The following TRMT2B variants were observed in gnomAD, a reference collection of about 807,000 sequenced individuals.
TRMT2B encodes the protein tRNA (uracil-5-)-methyltransferase homolog B.
Under a neutral mutation model 39.7 loss-of-function variants are expected in TRMT2B, and 34 were observed. That is an observed-to-expected ratio of 0.86 (90% CI 0.65 to 1.14). The LOEUF is 1.14. Ranked by LOEUF, TRMT2B falls within the 50% of genes most tolerant of loss-of-function variation. The pLI, the probability that TRMT2B is intolerant of heterozygous loss-of-function variation, is 0.00. For synonymous variants in TRMT2B, 132 were observed against 137.3 expected (o/e 0.96, Z 0.27); for missense variants, 318 against 377.2 (o/e 0.84, Z 1.30).
intron 2 of TRMT2B, among the ~76,000 whole-genome samples, chrX:101,046,085 G>A (rs1160518549): frequency 1.2e-4 from 12 of 99,397 alleles, no homozygotes; most frequent in Non-Finnish European, 2.4e-4. Context: ...GGTGGAGGTT[G>A]CAATGAGCTG....
At position 101,042,201 on chromosome X, in the gene TRMT2B, G is replaced by T. The variant is rs1424994420; in HGVS notation, c.89C>A (p.Pro30His). The T allele has an allele frequency of 8.3e-7, 1 of 1,212,101 alleles. No homozygotes were observed. The highest frequency in any genetic ancestry group is 2.2e-5 in the Admixed American group (1 of 46,028). Residue 30 changes from proline (P) to histidine (H), a missense_variant, in exon 3 of 14, where the codon CCC becomes CAC. Pro to His is a moderately conservative substitution (Grantham distance 77). Transcript: ENST00000372936. ...VGLFSKPGLL[P>H]WYARNPPGWS... is the part of the protein sequence containing the mutation. ...TCCTGGTGGATTTCTGGCATACCAG[G>T]GAAGCAGTCCTGGTTTGGAGAAGAG...
At chrX:100,999,670 T>C in the TRMT2B span, among the ~76,000 whole-genome samples, 7 of 112,352 alleles carry the variant, frequency 6.2e-5, no homozygotes, top group Non-Finnish European at 1.3e-4. Flanking sequence ...CTGGACATGG[T>C]CTGCACTTGG....
the TRMT2B span, among the ~76,000 whole-genome samples, chrX:100,978,692 AAT>A: frequency 9.1e-6 from 1 of 109,504 alleles, no homozygotes; most frequent in Non-Finnish European, 1.9e-5. Flanking sequence ...ATTTATATTC[AAT>A]GTTATTATTA....
chrX:100,985,863 C>T, the TRMT2B span: 6 of 1,210,249 alleles, frequency 5.0e-6, no homozygotes, highest in East Asian at 1.5e-4. Context: ...AAGTGAAGAT[C>T]ATCTTAACAC....
intron 2 of TRMT2B, among the ~76,000 whole-genome samples, chrX:101,049,783 CAAAA>C (rs60650761): frequency 1.2e-5 from 1 of 82,963 alleles, no homozygotes. Flanking sequence ...GACTCCTTCT[CAAAA>C]AAAAAAAAAA....
the TRMT2B span, among the ~76,000 whole-genome samples, chrX:100,983,300 A>AT: frequency 9.0e-6 from 1 of 111,481 alleles, no homozygotes; most frequent in Admixed American, 9.5e-5. Flanking sequence ...GGCAAAAAAA[A>AT]TATATAAAGC....
the TRMT2B span, chrX:100,990,311 C>A: frequency 1.1e-6 from 1 of 883,474 alleles, no homozygotes; most frequent in Non-Finnish European, 1.4e-6. Flanking sequence ...AATAACTGAC[C>A]TTTTTCTCTT....
intron 7 of TRMT2B, among the ~76,000 whole-genome samples, chrX:101,028,387 G>A (rs1394172390): frequency 9.0e-6 from 1 of 110,751 alleles, no homozygotes; most frequent in Admixed American, 9.7e-5. Flanking sequence ...CCAAAGTGCT[G>A]GAATTACAGG....
At chrX:100,977,055 A>G in the TRMT2B span, among the ~76,000 whole-genome samples, 2 of 112,350 alleles carry the variant, frequency 1.8e-5, no homozygotes, top group Non-Finnish European at 1.9e-5. Flanking sequence ...TTTTATGGGT[A>G]CATTGTAGGT....
chrX:101,034,517 G>A (rs889437013), intron 7 of TRMT2B, among the ~76,000 whole-genome samples: 1 of 111,621 alleles, frequency 9.0e-6, no homozygotes, highest in Non-Finnish European at 1.9e-5. Context: ...AGAGGGGTCA[G>A]AGGTGAAAGC....
the TRMT2B span, chrX:100,987,470 C>G: frequency 8.3e-7 from 1 of 1,211,301 alleles, no homozygotes; most frequent in Admixed American, 2.2e-5. Flanking sequence ...TATTAGCTGT[C>G]ATTGATACTT....
At chrX:100,997,332 C>T in the TRMT2B span, among the ~76,000 whole-genome samples, 4 of 112,087 alleles carry the variant, frequency 3.6e-5, no homozygotes, top group Admixed American at 2.9e-4. Context: ...ATACCCTTCA[C>T]CTAGCTTCCC....
the TRMT2B span, among the ~76,000 whole-genome samples, chrX:100,993,415 TA>T: frequency 8.9e-6 from 1 of 112,016 alleles, no homozygotes; most frequent in Non-Finnish European, 1.9e-5. Flanking sequence ...CTCTCCTGAA[TA>T]AGAGTTTTAT....
chrX:101,011,553 AC>A (rs2086252712), intron 13 of TRMT2B, among the ~76,000 whole-genome samples: 1 of 110,971 alleles, frequency 9.0e-6, no homozygotes, highest in Non-Finnish European at 1.9e-5. Flanking sequence ...TTCAATACCA[AC>A]CTGGGCAGCA....
intron 2 of TRMT2B, among the ~76,000 whole-genome samples, chrX:101,044,839 CAAAAAAAAAAAA>C (rs753968399): frequency 3.2e-5 from 1 of 31,040 alleles, no homozygotes; most frequent in Admixed American, 5.0e-4. Context: ...AACTCGGTCT[CAAAAAAAAAAAA>C]AAAAAAAAAA....
chrX:101,025,051 T>C (rs1262348989), intron 7 of TRMT2B, among the ~76,000 whole-genome samples: 1 of 110,889 alleles, frequency 9.0e-6, no homozygotes, highest in African/African-American at 3.3e-5. Flanking sequence ...ATCAATTATA[T>C]CTTGAACTGT....
chrX:101,040,407 CA>C (rs987293827), intron 4 of TRMT2B, among the ~76,000 whole-genome samples: 2 of 110,678 alleles, frequency 1.8e-5, no homozygotes, highest in African/African-American at 6.6e-5. Flanking sequence ...TGGCTCATAA[CA>C]AACACACTGG....
At chrX:101,001,534 C>A in the TRMT2B span, among the ~76,000 whole-genome samples, 82 of 110,462 alleles carry the variant, frequency 7.4e-4, no homozygotes, top group African/African-American at 2.6e-3. Context: ...CTGCACCCAG[C>A]CCGGATCTTG....
the TRMT2B span, among the ~76,000 whole-genome samples, chrX:100,996,754 G>A: frequency 9.2e-6 from 1 of 109,249 alleles, no homozygotes; most frequent in Non-Finnish European, 1.9e-5. Context: ...CTCTACTAAC[G>A]ATCAAAAATT....
Sources: allele counts gnomAD v4.1 joint callset (sites outside exome capture counted in the v4.1 genomes callset), GRCh38; gene constraint gnomAD v4.1.1; transcripts MANE v1.5; gene names NCBI Gene and HGNC (gene_info 2026-07-23, HGNC 2026-07-21).